PPFIA1: variants seen among roughly 807,000 people sequenced by gnomAD.
The protein encoded by PPFIA1 is liprin-alpha-1.
In PPFIA1, 25 loss-of-function variants were observed where a neutral mutation model predicts 149.9. That is an observed-to-expected ratio of 0.17 (90% CI 0.12 to 0.23). The LOEUF (loss-of-function observed/expected upper bound fraction) is 0.23. Ranked by LOEUF, PPFIA1 falls within the 10% of genes least tolerant of loss-of-function variation. The probability of loss-of-function intolerance (pLI) is 1.00; values close to 1 mark genes in which losing one functional copy is unlikely to be tolerated. For missense variants in PPFIA1, 1,362 were observed against 1,506.5 expected (o/e 0.90, Z 1.59); for synonymous variants, 549 against 552.8 (o/e 0.99, Z 0.10).
intron 7 of PPFIA1, among the ~76,000 whole-genome samples, chr11:70,328,869 G>T (rs1045073359): frequency 6.6e-6 from 1 of 152,118 alleles, no homozygotes; most frequent in Admixed American, 6.5e-5. Context: ...TTTAGACTTT[G>T]CTAACTTTAG....
At chr11:70,312,619 C>CT (rs1339169685) in intron 2 of PPFIA1, among the ~76,000 whole-genome samples, 1 of 152,214 alleles carries the variant, frequency 6.6e-6, no homozygotes, top group East Asian at 1.9e-4. Flanking sequence ...CCAGTCTGTA[C>CT]TTCCCGTCTT....
intron 10 of PPFIA1, chr11:70,334,361 C>T (rs1000064902): frequency 6.6e-6 from 1 of 152,118 alleles, no homozygotes; most frequent in Non-Finnish European, 1.5e-5. Context: ...CACCAGAAAT[C>T]TGTATTCTTG....
chr11:70,293,972 C>T (rs1283491835), intron 2 of PPFIA1, among the ~76,000 whole-genome samples: 1 of 143,598 alleles, frequency 7.0e-6, no homozygotes, highest in Non-Finnish European at 1.5e-5. Context: ...CAGGGTCTTC[C>T]TGTGTCGCCC....
chr11:70,320,401 A>G (rs984053553), intron 2 of PPFIA1, among the ~76,000 whole-genome samples: 1 of 151,966 alleles, frequency 6.6e-6, no homozygotes, highest in Non-Finnish European at 1.5e-5. Context: ...AACAGGGACT[A>G]AAGTGTTCAG....
rs375310513 is a variant in PPFIA1, at chr11:70,356,220, G to A, written c.2548G>A (p.Gly850Arg). 35 of 1,613,338 alleles carry A rather than the reference G, an allele frequency of 2.2e-5. No homozygotes were observed. The highest frequency in any genetic ancestry group is 2.7e-5 in the Non-Finnish European group (32 of 1,179,902). The stretch of plus-strand genomic sequence containing the variant: ...TGCCTTGGGACTTAGCAAATTGGGG[G>A]GACAGGCTGAAAAAAATCGTAAACT... The part of the protein sequence containing the change: ...QDALGLSKLG[G>R]QAEKNRKLQK... The change falls in exon 19 of 28, where the codon GGA becomes AGA. Residue 850 changes from glycine (G) to arginine (R), a missense_variant. Around this residue, in one of 7 missense-constraint regions of PPFIA1, gnomAD observed 91 missense variants for 91.2 expected, o/e 1.00. Transcript: ENST00000253925.
In PPFIA1 at chr11:70,342,936, CTTTTTTTTTTTTT is replaced by C. The variant is rs71463672; in HGVS notation, c.1708-716_1708-704del. Among the ~76,000 whole-genome samples, 118 of 78,184 alleles carry C rather than the reference CTTTTTTTTTTTTT, an allele frequency of 1.5e-3. 2 individuals are homozygous for C. Among genetic ancestry groups the C allele is most frequent in the African/African-American group, 6.5e-3 (106 of 16,222 alleles). 51.3% of individuals were successfully genotyped at this position (78,184 alleles called of 152,430 possible). A position where few individuals can be genotyped will look rare whatever the true frequency, so the allele number is the denominator to read the frequency against. On this transcript the variant is annotated intron_variant, in intron 14 of 27. Coordinates refer to ENST00000253925, the MANE Select transcript of PPFIA1 (RefSeq NM_003626.5). ...TTGCAGCTATTTTGAAATGTACCAC[CTTTTTTTTTTTTT>C]TTTTTTTTTTTTTTTTGAGGCAGAG...
chr11:70,373,471 C>T (rs1392783417), intron 23 of PPFIA1: 1 of 152,088 alleles, frequency 6.6e-6, no homozygotes, highest in Non-Finnish European at 1.5e-5. Context: ...TCAGGGGATC[C>T]TCCCACCTTG....
chr11:70,348,144 C>T, intron 15 of PPFIA1, 45 bp from the exon 16 acceptor site: 1 of 1,539,766 alleles, frequency 6.5e-7, no homozygotes. Context: ...ACACATTAAT[C>T]TGTTTGCCGA....
At chr11:70,274,940 A>G (rs1591010918) in intron 2 of PPFIA1, among the ~76,000 whole-genome samples, 1 of 152,122 alleles carries the variant, frequency 6.6e-6, no homozygotes, top group Non-Finnish European at 1.5e-5. Context: ...GCCGGAGGAT[A>G]TGTGTACACT....
At chr11:70,309,397 G>A (rs1227699171) in intron 2 of PPFIA1, among the ~76,000 whole-genome samples, 1 of 152,130 alleles carries the variant, frequency 6.6e-6, no homozygotes, top group East Asian at 1.9e-4. Context: ...TCGAACTTGC[G>A]ACCTCAGGTG....
At chr11:70,295,774 C>T (rs939900604) in intron 2 of PPFIA1, among the ~76,000 whole-genome samples, 1 of 149,930 alleles carries the variant, frequency 6.7e-6, no homozygotes, top group South Asian at 2.1e-4. Context: ...GACGGCTGGC[C>T]TGGCGGGCTG....
Position 70,324,582 on chromosome 11 carries a change from C to T in PPFIA1, c.366+79C>T, listed in dbSNP as rs557871857. ...GGGGCGGTGTGTCAAAACGAAAGGA[C>T]GACCCACTCTGTCTGGCCTGAAATA... On this transcript the variant is annotated intron_variant, in intron 3 of 27. Coordinates refer to ENST00000253925, the MANE Select transcript of PPFIA1 (RefSeq NM_003626.5). 2.8e-4 allele frequency: 341 copies of T among 1,209,272 alleles called. 1 individual carries two copies. In the African/African-American group the frequency reaches 4.8e-3, roughly 17 times the overall value. 74.9% of individuals were successfully genotyped at this position (1,209,272 alleles called of 1,614,324 possible).
chr11:70,383,162 CAT>C lies in PPFIA1; in HGVS notation c.*174_*175del. 2 of 348,226 alleles carry C rather than the reference CAT, an allele frequency of 5.7e-6. No individual in the cohort carries two copies. Among genetic ancestry groups the C allele is most frequent in the Non-Finnish European group, 1.1e-5 (2 of 186,226 alleles). The allele number at this position is 348,226 out of a possible 1,614,324, so 21.6% of individuals were successfully genotyped here. On this transcript the variant is annotated 3_prime_UTR_variant, in exon 28 of 28. Transcript: ENST00000253925. Reference sequence around the variant, plus strand: ...TAATTAGTGAAAAATTCATGAATACCATAGAGAAAATATTTTAGAATTTAATG... The same window carrying C: ...TAATTAGTGAAAAATTCATGAATACCAGAGAAAATATTTTAGAATTTAATG...
intron 13 of PPFIA1, among the ~76,000 whole-genome samples, chr11:70,338,916 C>T (rs1363953891): frequency 6.6e-6 from 1 of 152,168 alleles, no homozygotes; most frequent in African/African-American, 2.4e-5. Context: ...GACAGCTGGG[C>T]TCCTTGTGGC....
intron 19 of PPFIA1, among the ~76,000 whole-genome samples, chr11:70,356,586 T>G (rs2056373802): frequency 6.6e-6 from 1 of 152,230 alleles, no homozygotes; most frequent in Non-Finnish European, 1.5e-5. Flanking sequence ...CTAGCATCTC[T>G]GTGCTTCAGT....
At chr11:70,281,644 G>A (rs55905028) in intron 2 of PPFIA1, among the ~76,000 whole-genome samples, 33,253 of 152,032 alleles carry the variant, frequency 0.22, 5,557 homozygotes, top group African/African-American at 0.46. Context: ...GAGCTCTGTA[G>A]CCTCTACTTT....
At chr11:70,370,978 C>T (rs945589137) in intron 21 of PPFIA1, among the ~76,000 whole-genome samples, 1 of 152,024 alleles carries the variant, frequency 6.6e-6, no homozygotes, top group Non-Finnish European at 1.5e-5. Context: ...ACTAAAAATA[C>T]AAAAATTAGT....
chr11:70,374,989 A>C lies in PPFIA1; in HGVS notation c.3211A>C (p.Asn1071His). 1 of 1,613,856 alleles carries C rather than the reference A, an allele frequency of 6.2e-7. No individual in the cohort carries two copies. The highest frequency in any genetic ancestry group is 1.1e-5 in the South Asian group (1 of 91,022). ...AATTGGCCTTAAAGAATATGCAAAC[A>C]ATCTTATAGAGAGTGGTGTTCACGG... is the stretch of plus-strand genomic sequence containing the variant. ...LSIGLKEYAN[N>H]LIESGVHGAL... is the part of the protein sequence containing the mutation. Residue 1071 changes from asparagine (N) to histidine (H), a missense_variant, in exon 24 of 28, where the codon AAT (asparagine) becomes CAT (histidine). This residue lies in a region of PPFIA1 where 349 missense variants were observed against 373.3 expected (regional missense o/e 0.93). Coordinates refer to ENST00000253925, the MANE Select transcript of PPFIA1 (RefSeq NM_003626.5).
chr11:70,284,118 A>T (rs1565340885), intron 2 of PPFIA1: 1 of 447,924 alleles, frequency 2.2e-6, no homozygotes, highest in Non-Finnish European at 4.5e-6. Context: ...TGCTAAGCTT[A>T]ACTTTAGTGA....
Sources: gnomAD v4.1 joint callset for allele counts (sites outside exome capture counted in the v4.1 genomes callset) on GRCh38, gnomAD v4.1.1 for gene constraint, gnomAD v4.1.1 regional missense constraint, MANE v1.5 for transcripts, NCBI Gene and HGNC (gene_info 2026-07-23, HGNC 2026-07-21) for gene names.